The following LZTR1 variants were observed in gnomAD, a reference collection of about 807,000 sequenced individuals.
LZTR1 encodes leucine zipper like post translational regulator 1.
LZTR1 carries 260 observed loss-of-function variants against 105.7 expected under a neutral mutation model. The observed-to-expected ratio is 2.46, with a 90% CI of 2.22 to 2.72. LZTR1 has a LOEUF of 2.72. LZTR1 is among the 30% of genes most tolerant of loss of function. The pLI, the probability that LZTR1 is intolerant of heterozygous loss-of-function variation, is 0.00. For missense variants in LZTR1, 1,214 were observed against 1,166.9 expected (o/e 1.04, Z -0.59); for synonymous variants, 490 against 476.4 (o/e 1.03, Z -0.37).
intron 14 of LZTR1, 42 bp downstream of exon 14, chr22:20,994,311 G>A (rs1423969738): frequency 3.2e-6 from 5 of 1,582,380 alleles, no homozygotes; most frequent in Non-Finnish European, 4.3e-6. Flanking sequence ...TGTGGGCTGG[G>A]GTGCGGGCAG....
chr22:20,984,750 G>A (rs2147958847), intron 2 of LZTR1, among the ~76,000 whole-genome samples: 1 of 152,274 alleles, frequency 6.6e-6, no homozygotes, highest in East Asian at 1.9e-4. Flanking sequence ...ACCCACTGGT[G>A]CAGACTAAGT....
intron 14 of LZTR1, 53 bp from the exon 15 acceptor site, chr22:20,994,498 CGCCCTGT>C: frequency 5.8e-6 from 9 of 1,546,120 alleles, no homozygotes; most frequent in Non-Finnish European, 7.9e-6. Flanking sequence ...GGGAGCCCTG[CGCCCTGT>C]GCCCTGCCCT....
At chr22:20,987,888 G>C in intron 4 of LZTR1, 122 bp from the exon 5 acceptor site, 1 of 688,292 alleles carries the variant, frequency 1.5e-6, no homozygotes, top group Non-Finnish European at 2.6e-6. Flanking sequence ...TCGTTCCGGG[G>C]CTTGTGGAAG....
rs1389123610 is a variant in LZTR1 at position 20,994,640 on chromosome 22, C to A, written c.1698C>A (p.Cys566Ter). 4.3e-6 allele frequency: 7 copies of A among 1,612,828 alleles called. No homozygotes were observed. The highest frequency in any genetic ancestry group is 5.9e-6 in the Non-Finnish European group (7 of 1,179,816). ...AGTTGTGCCGCCTGGAGCAGCTGTG[C>A]CGCCAGTACATCGAGGCCTCCGTGG... ...SFQLCRLEQL[C>*]RQYIEASVDL... Residue 566 changes from cysteine to a stop codon, truncating the protein, a stop_gained, in exon 15 of 21, where the codon TGC becomes TGA. Coordinates refer to ENST00000646124, the MANE Select transcript of LZTR1 (RefSeq NM_006767.4). LOFTEE classifies it high-confidence loss of function.
chr22:20,982,743 C>G (rs998002138), intron 1 of LZTR1, among the ~76,000 whole-genome samples, 172 bp downstream of exon 1: 2 of 152,102 alleles, frequency 1.3e-5, no homozygotes, highest in Non-Finnish European at 2.9e-5. Flanking sequence ...CGAGGGAGTC[C>G]CAGAGCCCGA....
Position 20,991,988 on chromosome 22 carries a change from C to T in LZTR1, c.993+159C>T, listed in dbSNP as rs62238541. ...GGGCCTCAGCCCTGGACACCTGCCC[C>T]GGCCTCCAGCCCCAGCTTCACCCCA... On this transcript the variant is annotated intron_variant, in intron 9 of 20. Transcript: ENST00000646124. Among the ~76,000 whole-genome samples, 40,736 of 152,176 alleles carry T rather than the reference C, an allele frequency of 0.27. 6,497 individuals are homozygous for T. The highest frequency in any genetic ancestry group is 0.38 in the Admixed American group (5,819 of 15,292).
chr22:20,997,170 C>CTG, intron 20 of LZTR1, 62 bp from the exon 21 acceptor site: 1 of 1,257,236 alleles, frequency 8.0e-7, no homozygotes, highest in South Asian at 1.2e-5. Context: ...CAGGGCTCCA[C>CTG]TGCCCACCAT....
Position 20,987,265 on chromosome 22 carries a change from G to C in LZTR1, c.321-239G>C, listed in dbSNP as rs528295241. The C allele has an allele frequency of 1.4e-4, 62 of 446,364 alleles. No individual in the cohort carries two copies. In the South Asian group the frequency reaches 2.7e-3, roughly 20 times the overall value. The allele number at this position is 446,364 out of a possible 1,614,324, so 27.7% of individuals were successfully genotyped here. A position where few individuals can be genotyped will look rare whatever the true frequency, so the allele number is the denominator to read the frequency against. On this transcript the variant is annotated intron_variant, in intron 3 of 20. Transcript: ENST00000646124. ...AAAAATTAGCTGGGCATGATGGTGG[G>C]TGCCTGTAATCCCAGCTACTCAGGA...
intron 2 of LZTR1, among the ~76,000 whole-genome samples, chr22:20,984,197 A>T (rs1311079305): frequency 6.6e-6 from 1 of 152,152 alleles, no homozygotes; most frequent in Non-Finnish European, 1.5e-5. Flanking sequence ...TTTGTTCCTG[A>T]GGCACACAGA....
rs770974858 is a variant in LZTR1, at chr22:20,994,167, C to G, written c.1513C>G (p.Arg505Gly). The G allele has an allele frequency of 1.4e-5, 22 of 1,597,214 alleles. No homozygotes were observed. In the Admixed American group the frequency reaches 3.8e-4, roughly 27 times the overall value. The change falls in exon 14 of 21, where the codon CGG becomes GGG. Residue 505 changes from arginine to glycine, a missense_variant. Physicochemically the swap from Arg to Gly is moderately radical, Grantham distance 125 (BLOSUM62 -2). Transcript: ENST00000646124. The stretch of plus-strand genomic sequence containing the variant: ...CCCCGGCGTGGCTGCTGGTGGGGCC[C>G]GGCCGCCCCTGCTGCACGTGGCCAT... Reference protein sequence around the residue: ...EAPGVAAGGARPPLLHVAIRE... With the variant: ...EAPGVAAGGAGPPLLHVAIRE...
intron 16 of LZTR1, 169 bp from the exon 17 acceptor site, chr22:20,995,577 G>A (rs772343455): frequency 6.0e-6 from 5 of 831,008 alleles, no homozygotes; most frequent in Admixed American, 3.8e-5. Flanking sequence ...CCAGGGCGCC[G>A]AGGGAGGACA....
intron 5 of LZTR1, 111 bp from the exon 6 acceptor site, chr22:20,988,678 T>G (rs1004290425): frequency 3.4e-5 from 25 of 737,730 alleles, no homozygotes; most frequent in Admixed American, 3.8e-5. Flanking sequence ...CAGTGTCGGG[T>G]GGATGTAGCC....
chr22:20,992,862 G>A lies in LZTR1; in HGVS notation c.1218G>A (p.Thr406=), dbSNP rs1335753878. The change falls in exon 11 of 21, where the codon ACG becomes ACA. Residue 406 remains threonine, a synonymous_variant. Coordinates refer to ENST00000646124, the MANE Select transcript of LZTR1 (RefSeq NM_006767.4). ...ISDAMYIFGG[T]VDNNIRSGEM... ...ACGCCATGTACATCTTCGGGGGCAC[G>A]GTGGACAACAACATCCGCAGCGGGG... The A allele has an allele frequency of 6.2e-6, 10 of 1,610,046 alleles. No individual in the cohort carries two copies. Among genetic ancestry groups the A allele is most frequent in the South Asian group, 3.3e-5 (3 of 90,196 alleles).
rs2147968498 is a variant in LZTR1, at chr22:20,995,007, G to A, written c.1923G>A (p.Leu641=). The change falls in exon 16 of 21, where the codon TTG becomes TTA. Residue 641 remains leucine (L), a synonymous_variant. Coordinates refer to ENST00000646124, the MANE Select transcript of LZTR1 (RefSeq NM_006767.4). The part of the protein sequence containing the change: ...RKQQPPPRTP[L]DQPVDIGTSL... ...AGCAGCCGCCCCCTCGCACTCCCTTGGACCAGCCAGTGGACATTGGTAGGG... is the reference window on the plus strand; with the variant it reads ...AGCAGCCGCCCCCTCGCACTCCCTTAGACCAGCCAGTGGACATTGGTAGGG... The A allele has an allele frequency of 1.9e-6, 3 of 1,611,986 alleles. No individual in the cohort carries two copies. The highest frequency in any genetic ancestry group is 2.5e-6 in the Non-Finnish European group (3 of 1,179,584).
At chr22:20,995,077 C>T in intron 16 of LZTR1, 51 bp downstream of exon 16, 1 of 1,561,790 alleles carries the variant, frequency 6.4e-7, no homozygotes, top group Non-Finnish European at 8.6e-7. Context: ...TGGTGTTCAT[C>T]TGCGGTAGGA....
intron 2 of LZTR1, 67 bp from the exon 3 acceptor site, chr22:20,985,774 G>A: frequency 6.8e-7 from 1 of 1,463,148 alleles, no homozygotes; most frequent in South Asian, 1.1e-5. Flanking sequence ...TACATGCAGT[G>A]CCCATCTCTG....
chr22:20,984,731 T>G (rs1601715144), intron 2 of LZTR1, among the ~76,000 whole-genome samples: 1 of 149,040 alleles, frequency 6.7e-6, no homozygotes, highest in African/African-American at 2.5e-5. Context: ...GAAATGGAGG[T>G]GAGAGAGCAC....
intron 1 of LZTR1, 117 bp from the exon 2 acceptor site, chr22:20,982,910 T>A: frequency 2.5e-6 from 2 of 792,846 alleles, no homozygotes; most frequent in South Asian, 2.9e-5. Flanking sequence ...AGATGATGGA[T>A]CTTAGCAGTT....
At chr22:20,992,975 T>C (rs1471214236) in intron 11 of LZTR1, 71 bp downstream of exon 11, 120 of 1,082,712 alleles carry the variant, frequency 1.1e-4, no homozygotes, top group East Asian at 2.6e-5. Context: ...TGAGGCCAAG[T>C]TGGGGGGCAG....
Sources: allele counts gnomAD v4.1 joint callset (sites outside exome capture counted in the v4.1 genomes callset), GRCh38; gene constraint gnomAD v4.1.1; transcripts MANE v1.5; gene names NCBI Gene and HGNC (gene_info 2026-07-23, HGNC 2026-07-21).